The following FAR2 variants were observed in gnomAD, a reference collection of about 807,000 sequenced individuals.
The protein encoded by FAR2 is epididymis secretory protein Li 81.
In FAR2, 19 loss-of-function variants were observed where a neutral mutation model predicts 56.0. That is an observed-to-expected ratio of 0.34 (90% CI 0.24 to 0.50). The LOEUF (loss-of-function observed/expected upper bound fraction) is 0.50, where lower values mean the gene tolerates loss of function less well. Among genes scored for constraint, FAR2 ranks in the 20% least tolerant of loss-of-function variants. The pLI is 0.98. For missense variants in FAR2, 508 were observed against 642.2 expected (o/e 0.79, Z 2.26); for synonymous variants, 219 against 218.8 (o/e 1.00, Z -0.01).
chr12:29,264,225 A>G (rs945930842), intron 1 of FAR2, among the ~76,000 whole-genome samples: 1 of 152,212 alleles, frequency 6.6e-6, no homozygotes, highest in Non-Finnish European at 1.5e-5. Context: ...CAAAAACCAT[A>G]TGATCATTTC....
At chr12:29,251,948 G>A (rs1591892465) in intron 1 of FAR2, among the ~76,000 whole-genome samples, 1 of 152,224 alleles carries the variant, frequency 6.6e-6, no homozygotes, top group Non-Finnish European at 1.5e-5. Flanking sequence ...ATTTTTTCCT[G>A]TCCCTATGAC....
In FAR2 at chr12:29,241,025, C is replaced by T. The variant is rs368281809; in HGVS notation, c.-38-29387C>T. On this transcript the variant is annotated intron_variant, in intron 1 of 11. Transcript: ENST00000536681. ...TTCACCATGTTGACCAGGCTGGTCT[C>T]GAACTTCTGACCTCAAGTGATCCAC... Among the ~76,000 whole-genome samples the T allele has an allele frequency of 3.4e-4, 51 of 152,182 alleles. No individual in the cohort carries two copies. The East Asian group carries it at 9.3e-3, about 28-fold the overall frequency.
chr12:29,310,900 G>A (rs1304363798), intron 6 of FAR2, 128 bp from the exon 7 acceptor site: 10 of 710,658 alleles, frequency 1.4e-5, no homozygotes, highest in Non-Finnish European at 2.2e-5. Context: ...TAAGAACCTG[G>A]TAAGCAGTGG....
chr12:29,181,956 G>A (rs1949996333), intron 1 of FAR2, among the ~76,000 whole-genome samples: 1 of 152,204 alleles, frequency 6.6e-6, no homozygotes, highest in African/African-American at 2.4e-5. Flanking sequence ...TAGATAGATA[G>A]ACAGATTATA....
At chr12:29,262,898 A>G (rs779520688) in intron 1 of FAR2, among the ~76,000 whole-genome samples, 6 of 152,198 alleles carry the variant, frequency 3.9e-5, no homozygotes, top group Non-Finnish European at 7.3e-5. Context: ...GTTGCCTACA[A>G]TAAACACACT....
At chr12:29,177,239 C>G (rs1949947381) in intron 1 of FAR2, among the ~76,000 whole-genome samples, 2 of 152,218 alleles carry the variant, frequency 1.3e-5, no homozygotes, top group South Asian at 4.1e-4. Flanking sequence ...CGAATTTCAT[C>G]AGTCTTATTC....
rs374367760 is a variant in FAR2, at chr12:29,206,560, A to T, written c.-39+57153A>T. Among the ~76,000 whole-genome samples, 6 of 152,324 alleles carry T rather than the reference A, an allele frequency of 3.9e-5. No homozygotes were observed. In the East Asian group the frequency reaches 5.8e-4, roughly 15 times the overall value. On this transcript the variant is annotated intron_variant, in intron 1 of 11. Transcript: ENST00000536681. ...TAGTGCCTCTGGCCCCTTTCAGGCAATCAAAAATATTTATTGACCCCTAAC... is the reference window on the plus strand; with the variant it reads ...TAGTGCCTCTGGCCCCTTTCAGGCATTCAAAAATATTTATTGACCCCTAAC...
At chr12:29,263,190 T>A (rs1948453164) in intron 1 of FAR2, among the ~76,000 whole-genome samples, 1 of 152,098 alleles carries the variant, frequency 6.6e-6, no homozygotes, top group Non-Finnish European at 1.5e-5. Flanking sequence ...TAGCCCTCAA[T>A]ACAATAATAG....
At chr12:29,264,229 T>G (rs1004589950) in intron 1 of FAR2, among the ~76,000 whole-genome samples, 1 of 152,274 alleles carries the variant, frequency 6.6e-6, no homozygotes, top group Non-Finnish European at 1.5e-5. Flanking sequence ...AACCATATGA[T>G]CATTTCAGTT....
intron 1 of FAR2, among the ~76,000 whole-genome samples, chr12:29,182,534 G>A (rs1470850720): frequency 6.6e-6 from 1 of 151,688 alleles, no homozygotes; most frequent in African/African-American, 2.4e-5. Flanking sequence ...TTTACAGAGT[G>A]CTGATTGGTG....
At chr12:29,194,266 T>C (rs1039708774) in intron 1 of FAR2, among the ~76,000 whole-genome samples, 3 of 152,158 alleles carry the variant, frequency 2.0e-5, no homozygotes, top group Non-Finnish European at 4.4e-5. Context: ...ATCTTCAACT[T>C]CTCAGGTTCT....
chr12:29,246,302 GA>G (rs1373690692), intron 1 of FAR2, among the ~76,000 whole-genome samples: 6 of 150,638 alleles, frequency 4.0e-5, no homozygotes, highest in East Asian at 1.9e-4. Context: ...AGAACTCAGA[GA>G]AAAAAAAAGA....
chr12:29,180,216 T>G (rs1206913113), intron 1 of FAR2, among the ~76,000 whole-genome samples: 1 of 152,084 alleles, frequency 6.6e-6, no homozygotes, highest in Non-Finnish European at 1.5e-5. Context: ...AAAAGAATGC[T>G]TATATGAAGC....
At position 29,239,007 on chromosome 12, in the gene FAR2, C is replaced by T. The variant is rs1026599418; in HGVS notation, c.-38-31405C>T. On this transcript the variant is annotated intron_variant, in intron 1 of 11. Coordinates refer to ENST00000536681, the MANE Select transcript of FAR2 (RefSeq NM_001271783.2). ...CCTGTCACTTATTTTGAAGGGGTCA[C>T]CTGATTAGGTCAGGCCAGCCAAAGA... Among the ~76,000 whole-genome samples the T allele has an allele frequency of 1.3e-5, 2 of 152,154 alleles. 1 individual carries two copies. Among genetic ancestry groups the T allele is most frequent in the South Asian group, 4.1e-4 (2 of 4,836 alleles).
chr12:29,209,359 A>G (rs1166154195), intron 1 of FAR2, among the ~76,000 whole-genome samples: 1 of 152,160 alleles, frequency 6.6e-6, no homozygotes, highest in Non-Finnish European at 1.5e-5. Context: ...GTCAATCGTC[A>G]ATGTATTGAT....
At chr12:29,217,242 C>T (rs1229582942) in intron 1 of FAR2, among the ~76,000 whole-genome samples, 2 of 152,140 alleles carry the variant, frequency 1.3e-5, no homozygotes, top group Non-Finnish European at 2.9e-5. Context: ...AGGTCACTTT[C>T]CTGGAGGCAT....
At chr12:29,262,821 G>A (rs970296568) in intron 1 of FAR2, among the ~76,000 whole-genome samples, 7 of 152,036 alleles carry the variant, frequency 4.6e-5, no homozygotes, top group African/African-American at 1.7e-4. Flanking sequence ...GAATGTAAAT[G>A]GACTATGCTC....
chr12:29,152,034 A>G (rs927740937), intron 1 of FAR2, among the ~76,000 whole-genome samples: 2 of 152,204 alleles, frequency 1.3e-5, no homozygotes, highest in African/African-American at 4.8e-5. Flanking sequence ...GGAAAATAAA[A>G]CAAAAAGTAG....
chr12:29,231,466 A>G (rs964846295), intron 1 of FAR2, among the ~76,000 whole-genome samples: 2 of 152,230 alleles, frequency 1.3e-5, no homozygotes, highest in Admixed American at 6.5e-5. Flanking sequence ...CCTATGTAAA[A>G]TCCAAGTAGA....
Sources: gnomAD v4.1 joint callset for allele counts (sites outside exome capture counted in the v4.1 genomes callset) on GRCh38, gnomAD v4.1.1 for gene constraint, MANE v1.5 for transcripts, NCBI Gene and HGNC (gene_info 2026-07-23, HGNC 2026-07-21) for gene names.